The following XKR9 variants were observed in gnomAD, a reference collection of about 807,000 sequenced individuals.
XKR9 encodes XK-related protein 9.
XKR9 carries 32 observed loss-of-function variants against 32.0 expected under a neutral mutation model. The ratio of observed to expected loss-of-function variants is 1.00; its 90% CI spans 0.76 to 1.34. XKR9 has a LOEUF of 1.34. Ranked by LOEUF, XKR9 falls within the 40% of genes most tolerant of loss-of-function variation. The probability of loss-of-function intolerance (pLI) is 0.00; values close to 1 mark genes in which losing one functional copy is unlikely to be tolerated. For missense variants in XKR9, 546 were observed against 429.7 expected, an observed-to-expected ratio of 1.27 and a Z score of -2.39; for synonymous variants, 168 against 143.4, an observed-to-expected ratio of 1.17 and a Z score of -1.22.
At chr8:71,007,153 G>C in the XKR9 span, among the ~76,000 whole-genome samples, 1 of 152,222 alleles carries the variant, frequency 6.6e-6, no homozygotes, top group Non-Finnish European at 1.5e-5. Flanking sequence ...TGTGGGATTA[G>C]AGGGTGGTGG....
chr8:70,918,471 T>A, the XKR9 span, among the ~76,000 whole-genome samples: 2 of 152,122 alleles, frequency 1.3e-5, no homozygotes, highest in Non-Finnish European at 2.9e-5. Context: ...AAATCTAGTT[T>A]CTGGACTGAA....
chr8:70,928,636 G>A, the XKR9 span, among the ~76,000 whole-genome samples: 1 of 152,082 alleles, frequency 6.6e-6, no homozygotes, highest in South Asian at 2.1e-4. Context: ...CTCTTCCCTA[G>A]TCTGGGCTCC....
chr8:70,911,720 G>A, the XKR9 span, among the ~76,000 whole-genome samples: 1 of 152,152 alleles, frequency 6.6e-6, no homozygotes, highest in Non-Finnish European at 1.5e-5. Flanking sequence ...AGTGTCATGA[G>A]GAAAAATAAA....
chr8:70,677,285 A>G (rs1394334301), intron 2 of XKR9, among the ~76,000 whole-genome samples: 7 of 151,924 alleles, frequency 4.6e-5, no homozygotes, highest in Non-Finnish European at 5.9e-5. Context: ...AGCTGACACT[A>G]CAGGAGCACA....
chr8:70,720,845 C>T (rs954990675), intron 4 of XKR9, among the ~76,000 whole-genome samples: 3 of 152,148 alleles, frequency 2.0e-5, no homozygotes, highest in Non-Finnish European at 1.5e-5. Context: ...TCCCTCTTTT[C>T]TATTGTTTGG....
the XKR9 span, among the ~76,000 whole-genome samples, chr8:70,815,790 G>T: frequency 2.2e-4 from 33 of 152,186 alleles, no homozygotes; most frequent in African/African-American, 7.7e-4. Flanking sequence ...CTCCCACAGT[G>T]CTGGGATTAC....
intron 3 of XKR9, among the ~76,000 whole-genome samples, chr8:70,681,764 A>G (rs1056864416): frequency 6.6e-6 from 1 of 152,146 alleles, no homozygotes; most frequent in Admixed American, 6.6e-5. Flanking sequence ...AGCTAGGTAC[A>G]GAGTCATAGA....
At chr8:70,912,625 T>C in the XKR9 span, among the ~76,000 whole-genome samples, 1 of 152,074 alleles carries the variant, frequency 6.6e-6, no homozygotes, top group Non-Finnish European at 1.5e-5. Flanking sequence ...AAATGAATAT[T>C]TTCAACAGGC....
intron 4 of XKR9, among the ~76,000 whole-genome samples, chr8:70,731,742 G>A (rs2132239217): frequency 6.6e-6 from 1 of 152,260 alleles, no homozygotes; most frequent in South Asian, 2.1e-4. Context: ...TAGTCACCCT[G>A]AGACAGGTCT....
the XKR9 span, among the ~76,000 whole-genome samples, chr8:70,993,704 C>T: frequency 6.7e-6 from 1 of 149,998 alleles, no homozygotes; most frequent in Non-Finnish European, 1.5e-5. Context: ...AAGCTCCCCT[C>T]AGAAAGAATA....
the XKR9 span, among the ~76,000 whole-genome samples, chr8:70,829,427 C>T: frequency 6.6e-6 from 1 of 152,242 alleles, no homozygotes; most frequent in Middle Eastern, 3.4e-3. Flanking sequence ...TTTTTAAAGC[C>T]TCTTGACATG....
At chr8:70,699,164 A>G (rs1212307085) in intron 3 of XKR9, among the ~76,000 whole-genome samples, 1 of 152,090 alleles carries the variant, frequency 6.6e-6, no homozygotes. Context: ...TTTTAACTGG[A>G]GCATTTAGTC....
the XKR9 span, among the ~76,000 whole-genome samples, chr8:70,959,968 G>A: frequency 8.5e-5 from 13 of 152,134 alleles, no homozygotes; most frequent in Non-Finnish European, 1.6e-4. Flanking sequence ...GGTGGCTCAC[G>A]CCTATAATCC....
At chr8:70,756,938 C>G (rs570436155) in intron 2 of XKR9, among the ~76,000 whole-genome samples, 1 of 152,170 alleles carries the variant, frequency 6.6e-6, no homozygotes, top group Non-Finnish European at 1.5e-5. Flanking sequence ...TAAGGGGAAG[C>G]ATCCAGTCTT....
At chr8:70,990,635 C>A in the XKR9 span, among the ~76,000 whole-genome samples, 42 of 151,726 alleles carry the variant, frequency 2.8e-4, no homozygotes, top group Admixed American at 1.0e-3. Flanking sequence ...CCATTTTAAC[C>A]CAAATTGCAA....
chr8:70,683,167 A>T (rs1042870881), intron 3 of XKR9, among the ~76,000 whole-genome samples: 1 of 152,210 alleles, frequency 6.6e-6, no homozygotes, highest in African/African-American at 2.4e-5. Context: ...GTCTATTCCA[A>T]TATGCTGGAT....
At chr8:70,890,697 T>G in the XKR9 span, among the ~76,000 whole-genome samples, 1 of 151,962 alleles carries the variant, frequency 6.6e-6, no homozygotes, top group African/African-American at 2.4e-5. Context: ...TCACCAAATT[T>G]GGTTTGCTAG....
the XKR9 span, among the ~76,000 whole-genome samples, chr8:70,936,145 T>C: frequency 0.31 from 47,307 of 151,904 alleles, 8,841 homozygotes; most frequent in Non-Finnish European, 0.43. Context: ...TGTCTCACAA[T>C]AAGGTCAGAA....
chr8:70,860,521 C>T, the XKR9 span, among the ~76,000 whole-genome samples: 1 of 152,190 alleles, frequency 6.6e-6, no homozygotes, highest in South Asian at 2.1e-4. Flanking sequence ...ACACAAATCT[C>T]TTCTAAACTT....
Sources: gnomAD v4.1 joint callset for allele counts (sites outside exome capture counted in the v4.1 genomes callset) on GRCh38, gnomAD v4.1.1 for gene constraint, MANE v1.5 for transcripts, NCBI Gene and HGNC (gene_info 2026-07-23, HGNC 2026-07-21) for gene names.